INKA2: variants seen among roughly 807,000 people sequenced by gnomAD.
INKA2 encodes the protein PAK4-inhibitor INKA2.
INKA2 carries 3 observed loss-of-function variants against 9.8 expected under a neutral mutation model. The ratio of observed to expected loss-of-function variants is 0.31; its 90% confidence interval spans 0.14 to 0.79. The LOEUF (loss-of-function observed/expected upper bound fraction) is 0.79, where lower values mean the gene tolerates loss of function less well. Ranked by LOEUF, INKA2 falls within the 30% of genes least tolerant of loss-of-function variation. The pLI, the probability that INKA2 is intolerant of heterozygous loss-of-function variation, is 0.62. For missense variants in INKA2, 392 were observed against 384.4 expected (o/e 1.02, Z -0.17); for synonymous variants, 147 against 143.3 (o/e 1.03, Z -0.18).
At chr1:111,745,293 A>ATATATATATATATATATTTT (rs1358304932) in intron 1 of INKA2, 7 of 49,264 alleles carry the variant, frequency 1.4e-4, no homozygotes, top group Non-Finnish European at 2.2e-4. Context: ...ATATATATAT[A>ATATATATATATATATATTTT]TTTTTTTTTT....
chr1:111,754,591 G>A (rs1418496111), intron 1 of INKA2: 2 of 152,184 alleles, frequency 1.3e-5, no homozygotes, highest in Non-Finnish European at 2.9e-5. Context: ...GGCAACTCCT[G>A]GCCTCAAGCA....
In INKA2 at chr1:111,722,483, G is replaced by C; in HGVS notation, c.*4485C>G. 6.6e-6 allele frequency: 1 copy of C among 152,426 alleles called. No homozygotes were observed. Among genetic ancestry groups the C allele is most frequent in the East Asian group, 1.9e-4 (1 of 5,204 alleles). The allele number at this position is 152,426 out of a possible 1,614,324, so 9.4% of individuals were successfully genotyped here. ...TCTTTACCCCTTGCCAAGAATTTGAGGTCCTTAAGGGTTGACTGTGAGGGG... is the reference window on the plus strand; with the variant it reads ...TCTTTACCCCTTGCCAAGAATTTGACGTCCTTAAGGGTTGACTGTGAGGGG... On this transcript the variant is annotated 3_prime_UTR_variant, in exon 2 of 2. Transcript: ENST00000357260.
In INKA2 at chr1:111,726,450, C is replaced by T. The variant is rs555758583; in HGVS notation, c.*518G>A. 42 of 211,676 alleles carry T rather than the reference C, an allele frequency of 2.0e-4. No homozygotes were observed. Among genetic ancestry groups the T allele is most frequent in the Non-Finnish European group, 3.2e-4 (34 of 107,280 alleles). 13.1% of individuals were successfully genotyped at this position (211,676 alleles called of 1,614,324 possible). On this transcript the variant is annotated 3_prime_UTR_variant, in exon 2 of 2. Coordinates refer to ENST00000357260, the MANE Select transcript of INKA2 (RefSeq NM_019099.5). The stretch of plus-strand genomic sequence containing the variant: ...CACTGCTGCTCCAGTCCCAGGAGGC[C>T]TGGGGTTCAGTCCCTGTGCCTGGAG...
At chr1:111,748,587 T>C (rs907589347) in intron 1 of INKA2, among the ~76,000 whole-genome samples, 1 of 152,208 alleles carries the variant, frequency 6.6e-6, no homozygotes, top group Admixed American at 6.5e-5. Context: ...CTCCTATCTA[T>C]AGTCAGCAAA....
At chr1:111,738,926 A>G (rs565967125) in intron 1 of INKA2, among the ~76,000 whole-genome samples, 3 of 152,084 alleles carry the variant, frequency 2.0e-5, no homozygotes, top group African/African-American at 7.2e-5. Context: ...TCTGTGTCAC[A>G]TTTCAGCCTG....
rs1196409383 is a variant in INKA2 at position 111,722,631 on chromosome 1, T to A, written c.*4337A>T. The A allele has an allele frequency of 6.4e-6, 1 of 156,690 alleles. No homozygotes were observed. The highest frequency in any genetic ancestry group is 2.4e-5 in the African/African-American group (1 of 41,474). 9.7% of individuals were successfully genotyped at this position (156,690 alleles called of 1,614,324 possible). A position where few individuals can be genotyped will look rare whatever the true frequency, so the allele number is the denominator to read the frequency against. ...CCACACCCCCCGCCTCCCCAGTGCA[T>A]GTCATCCTTTGGGGAACAGTGTAAA... On this transcript the variant is annotated 3_prime_UTR_variant, in exon 2 of 2. Transcript: ENST00000357260.
Position 111,725,416 on chromosome 1 carries a change from TG to T in INKA2, c.*1551del, listed in dbSNP as rs200476237. On this transcript the variant is annotated 3_prime_UTR_variant, in exon 2 of 2. Coordinates refer to ENST00000357260, the MANE Select transcript of INKA2 (RefSeq NM_019099.5). Reference sequence around the variant, plus strand: ...GGACAGTGGCTTCCCAGGGCAGTCCTGGGGGGGGGCCTGGATCACTAGGTGG... The same window carrying T: ...GGACAGTGGCTTCCCAGGGCAGTCCTGGGGGGGGCCTGGATCACTAGGTGG... 9.2e-5 allele frequency: 14 copies of T among 151,728 alleles called. No individual in the cohort carries two copies. Among genetic ancestry groups the T allele is most frequent in the South Asian group, 2.1e-4 (1 of 4,802 alleles). The allele number at this position is 151,728 out of a possible 1,614,324, so 9.4% of individuals were successfully genotyped here.
intron 1 of INKA2, chr1:111,746,811 G>C (rs1187267331): frequency 6.6e-6 from 1 of 152,204 alleles, no homozygotes; most frequent in Non-Finnish European, 1.5e-5. Context: ...TAGATCACCA[G>C]AGGGCAGTGT....
intron 1 of INKA2, among the ~76,000 whole-genome samples, chr1:111,749,421 GGTGTGTGTGT>G (rs58362318): frequency 1.3e-5 from 2 of 149,992 alleles, no homozygotes; most frequent in African/African-American, 4.9e-5. Flanking sequence ...TGTGTGTTGG[GGTGTGTGTGT>G]GTGTGTGTGT....
rs1662804187 is a variant in INKA2, at chr1:111,727,336, C to G, written c.526G>C (p.Glu176Gln). 6.2e-7 allele frequency: 1 copy of G among 1,614,194 alleles called. No individual in the cohort carries two copies. The highest frequency in any genetic ancestry group is 1.6e-4 in the Middle Eastern group (1 of 6,062). Residue 176 changes from glutamate to glutamine, a missense_variant, in exon 2 of 2, where the codon GAG becomes CAG. Transcript: ENST00000357260. ...VGNWLDLPEL[E>Q]KGGEKGETGG... ...GTCTCACCCTTCTCCCCACCCTTCT[C>G]CAGTTCTGGCAAGTCTAGCCAATTG... is the stretch of plus-strand genomic sequence containing the variant.
chr1:111,750,289 TTTCCTAA>T (rs1452732686), intron 1 of INKA2, among the ~76,000 whole-genome samples: 1 of 152,220 alleles, frequency 6.6e-6, no homozygotes, highest in Non-Finnish European at 1.5e-5. Context: ...GTTCTCCCTC[TTTCCTAA>T]TTCCTGAGGC....
intron 1 of INKA2, among the ~76,000 whole-genome samples, chr1:111,737,721 T>G (rs900690291): frequency 6.6e-5 from 10 of 152,220 alleles, no homozygotes; most frequent in African/African-American, 1.9e-4. Flanking sequence ...CTCCTGTCTC[T>G]CAAGAAATTT....
chr1:111,739,322 G>T lies in INKA2; in HGVS notation c.-80C>A. On this transcript the variant is annotated 5_prime_UTR_variant, in exon 1 of 2. Transcript: ENST00000357260. ...CCCACTGGAAACTGCGCTCCGGGCC[G>T]GCTCCCCGCCCCTGCGCCCGTAGCG... 6.3e-7 allele frequency: 1 copy of T among 1,589,026 alleles called. No homozygotes were observed.
chr1:111,753,444 C>T (rs1464949249), intron 1 of INKA2, among the ~76,000 whole-genome samples: 1 of 152,070 alleles, frequency 6.6e-6, no homozygotes, highest in Non-Finnish European at 1.5e-5. Flanking sequence ...TAACTTTTGA[C>T]TAGTGAGAAA....
chr1:111,748,786 T>G (rs762236185), intron 1 of INKA2, among the ~76,000 whole-genome samples: 1 of 152,216 alleles, frequency 6.6e-6, no homozygotes, highest in Non-Finnish European at 1.5e-5. Context: ...GTATCCATCC[T>G]GCTCAGAGGT....
chr1:111,750,609 TGTACCA>T (rs1663386141), intron 1 of INKA2, among the ~76,000 whole-genome samples: 6 of 152,152 alleles, frequency 3.9e-5, no homozygotes, highest in Admixed American at 1.3e-4. Context: ...TGGAAAGCAG[TGTACCA>T]ACACCTAAAG....
chr1:111,749,164 G>T (rs1663339785), intron 1 of INKA2, among the ~76,000 whole-genome samples: 1 of 152,200 alleles, frequency 6.6e-6, no homozygotes. Flanking sequence ...GGGGTGGAGG[G>T]TGGGTAGAGA....
rs1456264954 is a variant in INKA2, at chr1:111,726,849, G to C, written c.*119C>G. 3 of 1,056,398 alleles carry C rather than the reference G, an allele frequency of 2.8e-6. No individual in the cohort carries two copies. The highest frequency in any genetic ancestry group is 3.1e-5 in the South Asian group (2 of 65,438). The allele number at this position is 1,056,398 out of a possible 1,614,324, so 65.4% of individuals were successfully genotyped here. On this transcript the variant is annotated 3_prime_UTR_variant, in exon 2 of 2. Coordinates refer to ENST00000357260, the MANE Select transcript of INKA2 (RefSeq NM_019099.5). The stretch of plus-strand genomic sequence containing the variant: ...AACTCTGGCTTCTCCCCGCTTTCTG[G>C]GGGAAAGGAACTTGGAGTTGGGCTT...
chr1:111,747,161 G>A (rs938880438), intron 1 of INKA2: 4 of 152,252 alleles, frequency 2.6e-5, no homozygotes, highest in African/African-American at 9.7e-5. Context: ...ACTTTGGCAG[G>A]TGTTCTAGGG....
Sources: gnomAD v4.1 joint callset for allele counts (sites outside exome capture counted in the v4.1 genomes callset) on GRCh38, gnomAD v4.1.1 for gene constraint, MANE v1.5 for transcripts, NCBI Gene and HGNC (gene_info 2026-07-23, HGNC 2026-07-21) for gene names.